Variants in ATP13A5 observed in about 807,000 individuals in gnomAD.
ATP13A5 encodes the protein probable cation-transporting ATPase 13A5.
A neutral mutation model predicts 150.2 loss-of-function variants in ATP13A5; 149 were observed. That is an observed-to-expected ratio of 0.99 (90% CI 0.87 to 1.14). ATP13A5 has a LOEUF of 1.14. ATP13A5 is among the 50% of genes most tolerant of loss of function. ATP13A5 has a pLI of 0.00. For missense variants in ATP13A5, 1,383 were observed against 1,449.3 expected (o/e 0.95, Z 0.74); for synonymous variants, 497 against 522.2 (o/e 0.95, Z 0.66).
In ATP13A5 at chr3:193,314,065, C is replaced by G. The variant is rs1718952163; in HGVS notation, c.2287G>C (p.Val763Leu). ...CCAGGTCCAGTCTCTTGGTTCTCCA[C>G]CAGCTGCCAGGTCACAGAGGCAGGA... ...FVPASVTWQL[V>L]ENQETGPGKK... Residue 763 changes from valine to leucine, a missense_variant, in exon 19 of 30, where the codon GTG (valine) becomes CTG (leucine). Val to Leu is a conservative substitution (Grantham distance 32). Transcript: ENST00000342358. 6 of 1,613,572 alleles carry G rather than the reference C, an allele frequency of 3.7e-6. No individual in the cohort carries two copies. The African/African-American group carries it at 6.7e-5, about 18-fold the overall frequency.
chr3:193,324,174 C>T (rs1047618042), intron 14 of ATP13A5, among the ~76,000 whole-genome samples: 1 of 152,130 alleles, frequency 6.6e-6, no homozygotes, highest in Admixed American at 6.5e-5. Context: ...GGGTTTTCCA[C>T]TATGGCAGCC....
intron 21 of ATP13A5, among the ~76,000 whole-genome samples, chr3:193,310,182 C>T (rs925625525): frequency 7.9e-5 from 12 of 152,128 alleles, no homozygotes; most frequent in African/African-American, 2.9e-4. Context: ...ATCTGTGTTC[C>T]TGCAGAAGTC....
intron 1 of ATP13A5, among the ~76,000 whole-genome samples, chr3:193,369,863 G>C (rs771614782): frequency 6.6e-6 from 1 of 152,184 alleles, no homozygotes; most frequent in Non-Finnish European, 1.5e-5. Flanking sequence ...TTAAAGAGAG[G>C]TGTAAGGTGT....
chr3:193,340,979 G>C (rs1487531362), intron 9 of ATP13A5, among the ~76,000 whole-genome samples: 1 of 152,130 alleles, frequency 6.6e-6, no homozygotes, highest in African/African-American at 2.4e-5. Flanking sequence ...TCTCAGCTGT[G>C]CCACTTCTAA....
At chr3:193,343,251 G>A (rs1480336152) in intron 9 of ATP13A5, among the ~76,000 whole-genome samples, 2 of 152,094 alleles carry the variant, frequency 1.3e-5, no homozygotes, top group Non-Finnish European at 2.9e-5. Context: ...AATGTGCTGT[G>A]TATTTTAATT....
chr3:193,337,753 T>G (rs1329057902), intron 9 of ATP13A5, among the ~76,000 whole-genome samples: 1 of 152,224 alleles, frequency 6.6e-6, no homozygotes, highest in African/African-American at 2.4e-5. Flanking sequence ...AAGTAGTTTT[T>G]TCCAATTCTG....
intron 1 of ATP13A5, 127 bp from the exon 2 acceptor site, chr3:193,364,407 T>C: frequency 8.8e-7 from 1 of 1,138,788 alleles, no homozygotes; most frequent in Non-Finnish European, 1.2e-6. Flanking sequence ...TATAGGTGGT[T>C]AAATCAAGTT....
At chr3:193,318,041 A>G (rs1014371536) in intron 17 of ATP13A5, among the ~76,000 whole-genome samples, 1 of 152,276 alleles carries the variant, frequency 6.6e-6, no homozygotes, top group Non-Finnish European at 1.5e-5. Flanking sequence ...TGACATTCAT[A>G]TATTTCAAAA....
intron 13 of ATP13A5, 29 bp downstream of exon 13, chr3:193,326,967 C>A (rs1236947018): frequency 6.2e-7 from 1 of 1,605,210 alleles, no homozygotes; most frequent in Non-Finnish European, 8.5e-7. Flanking sequence ...CCACCAAACA[C>A]ACCTTCCATT....
chr3:193,275,077 G>A lies in ATP13A5; in HGVS notation c.3622C>T (p.Gln1208Ter), dbSNP rs773544544. The A allele has an allele frequency of 3.2e-5, 52 of 1,614,120 alleles. No homozygotes were observed. The highest frequency in any genetic ancestry group is 4.4e-5 in the Non-Finnish European group (52 of 1,180,018). Residue 1208 changes from glutamine (Q) to a stop codon, truncating the protein, a stop_gained, in exon 30 of 30, where the codon CAA becomes TAA. Transcript: ENST00000342358. LOFTEE classifies it high-confidence loss of function. ...GCCCAGAAATGCTGTTCTGTGGGTTGGCCTCCCAATTTGAGTTTTCTTTTT... is the reference window on the plus strand; with the variant it reads ...GCCCAGAAATGCTGTTCTGTGGGTTAGCCTCCCAATTTGAGTTTTCTTTTT... ...IPKRKLKLGG[Q>*]PTEQHFWARL
chr3:193,308,450 C>T (rs187182270), intron 21 of ATP13A5, among the ~76,000 whole-genome samples: 508 of 152,274 alleles, frequency 3.3e-3, no homozygotes, highest in Non-Finnish European at 5.1e-3. Flanking sequence ...CAAAGCGAGA[C>T]TCTGTCTCAA....
rs141200293 is a variant in ATP13A5 at position 193,318,966 on chromosome 3, T to G, written c.2033+25A>C. On this transcript the variant is annotated intron_variant, in intron 17 of 29. Transcript: ENST00000342358. ...CACTTCATGGGCACAGAGCCTGCTC[T>G]AGTGCCAATTTCTGAATTGCTTACC... is the stretch of plus-strand genomic sequence containing the variant. 1.0e-3 allele frequency: 1,555 copies of G among 1,528,516 alleles called. 14 individuals carry two copies. In the African/African-American group the frequency reaches 0.019, roughly 18 times the overall value. 94.7% of individuals were successfully genotyped at this position (1,528,516 alleles called of 1,614,324 possible).
intron 12 of ATP13A5, 129 bp from the exon 13 acceptor site, chr3:193,327,186 C>T (rs1719496717): frequency 2.6e-6 from 2 of 782,052 alleles, no homozygotes; most frequent in Non-Finnish European, 4.0e-6. Context: ...TTTATAAGTA[C>T]CAAATTTTAA....
At chr3:193,362,292 A>G in intron 5 of ATP13A5, 89 bp downstream of exon 5, 1 of 1,144,316 alleles carries the variant, frequency 8.7e-7, no homozygotes, top group Non-Finnish European at 1.3e-6. Context: ...CTGATGAAGC[A>G]TTATGCCAAC....
rs776636176 is a variant in ATP13A5, at chr3:193,311,931, A to G, written c.2330T>C (p.Met777Thr). 6.2e-7 allele frequency: 1 copy of G among 1,613,744 alleles called. No homozygotes were observed. The highest frequency in any genetic ancestry group is 2.2e-5 in the East Asian group (1 of 44,868). Residue 777 changes from methionine (M) to threonine (T), a missense_variant, in exon 20 of 30, where the codon ATG (methionine) becomes ACG (threonine). Around this residue, in one of 3 missense-constraint regions of ATP13A5, gnomAD observed 568 missense variants for 621.5 expected, o/e 0.91. Transcript: ENST00000342358. ...ETGPGKKEIYMHTGNSSTPRG... is the reference protein window; with the variant it reads ...ETGPGKKEIYTHTGNSSTPRG... ...AGGGGTTGAACTGTTTCCAGTATGCATGTAGATTTCCTAAAATCAAAAGGG... is the reference window on the plus strand; with the variant it reads ...AGGGGTTGAACTGTTTCCAGTATGCGTGTAGATTTCCTAAAATCAAAAGGG...
chr3:193,280,545 G>A (rs1245979970), intron 27 of ATP13A5, among the ~76,000 whole-genome samples: 20 of 152,088 alleles, frequency 1.3e-4, no homozygotes, highest in Admixed American at 1.3e-3. Context: ...AAGTAAATGA[G>A]AAATTAGCAT....
intron 7 of ATP13A5, among the ~76,000 whole-genome samples, chr3:193,346,689 TA>T (rs1167242313): frequency 1.3e-5 from 2 of 152,210 alleles, no homozygotes; most frequent in Non-Finnish European, 2.9e-5. Flanking sequence ...TACACATAAT[TA>T]GGCAACTTTC....
chr3:193,378,524 G>A (rs1713722631), intron 1 of ATP13A5, 139 bp downstream of exon 1: 8 of 758,304 alleles, frequency 1.1e-5, no homozygotes, highest in African/African-American at 3.5e-5. Context: ...AGCCCTTAAG[G>A]AACCTTACCA....
At chr3:193,284,032 A>ATTATTT (rs1274851620) in intron 27 of ATP13A5, among the ~76,000 whole-genome samples, 1 of 149,348 alleles carries the variant, frequency 6.7e-6, no homozygotes, top group East Asian at 2.0e-4. Flanking sequence ...TATTATTATT[A>ATTATTT]TTTTTTGAGA....
Sources: allele counts gnomAD v4.1 joint callset (sites outside exome capture counted in the v4.1 genomes callset), GRCh38; gene constraint gnomAD v4.1.1; regional missense constraint gnomAD v4.1.1; transcripts MANE v1.5; gene names NCBI Gene and HGNC (gene_info 2026-07-23, HGNC 2026-07-21).